The following TANC1 variants were observed in gnomAD, a reference collection of about 807,000 sequenced individuals.
TANC1 encodes protein TANC1.
TANC1 carries 77 observed loss-of-function variants against 149.7 expected under a neutral mutation model. The observed-to-expected ratio is 0.51, with a 90% CI of 0.43 to 0.62. The LOEUF (loss-of-function observed/expected upper bound fraction) is 0.62. Ranked by LOEUF, TANC1 falls within the 20% of genes least tolerant of loss-of-function variation. TANC1 has a pLI of 0.00. For missense variants in TANC1, 1,985 were observed against 2,321.8 expected, an observed-to-expected ratio of 0.85 and a Z score of 2.98; for synonymous variants, 854 against 925.0, an observed-to-expected ratio of 0.92 and a Z score of 1.39.
Position 159,097,780 on chromosome 2 carries a change from T to A in TANC1, c.205T>A (p.Leu69Met), listed in dbSNP as rs749248310. 6.2e-7 allele frequency: 1 copy of A among 1,614,042 alleles called. No individual in the cohort carries two copies. The highest frequency in any genetic ancestry group is 1.1e-5 in the South Asian group (1 of 91,064). ...GVSMSLPSSPLLPRQSHLVQS... is the reference protein window; with the variant it reads ...GVSMSLPSSPMLPRQSHLVQS... ...CTCGATGTCTCTGCCTTCCTCACCT[T>A]TGCTGCCTCGACAGTCTCACTTGGT... The change falls in exon 4 of 27, where the codon TTG (leucine) becomes ATG (methionine). Residue 69 changes from leucine (L) to methionine (M), a missense_variant. Leu to Met is a conservative substitution (Grantham distance 15, BLOSUM62 2). Coordinates refer to ENST00000263635, the MANE Select transcript of TANC1 (RefSeq NM_033394.3).
chr2:159,133,578 C>A (rs528399614), intron 4 of TANC1, among the ~76,000 whole-genome samples: 1 of 151,958 alleles, frequency 6.6e-6, no homozygotes, highest in South Asian at 2.1e-4. Flanking sequence ...ATGTCTCTTA[C>A]ACAGCAAATA....
At chr2:159,004,210 G>A (rs1027301000) in intron 2 of TANC1, 11 of 1,612,398 alleles carry the variant, frequency 6.8e-6, no homozygotes, top group South Asian at 4.4e-5. Flanking sequence ...CAGTTCCCAC[G>A]GCAAGTCTTG....
chr2:159,053,646 G>C (rs562104740), intron 2 of TANC1, among the ~76,000 whole-genome samples: 3 of 152,202 alleles, frequency 2.0e-5, no homozygotes, highest in Admixed American at 2.0e-4. Context: ...TCCTGTCACC[G>C]TGTAACAAGC....
At chr2:159,132,003 G>T (rs1236772135) in intron 4 of TANC1, among the ~76,000 whole-genome samples, 2 of 152,208 alleles carry the variant, frequency 1.3e-5, no homozygotes, top group Non-Finnish European at 2.9e-5. Flanking sequence ...CCCAGTGCCT[G>T]GGCTTTTTCT....
At chr2:159,215,216 G>A (rs7570321) in intron 19 of TANC1, among the ~76,000 whole-genome samples, 4,007 of 152,244 alleles carry the variant, frequency 0.026, 163 homozygotes, top group African/African-American at 0.086. Context: ...CTCACTTTCC[G>A]GTGACGAGGC....
chr2:159,037,442 C>T (rs968897137), intron 2 of TANC1, among the ~76,000 whole-genome samples: 8 of 152,106 alleles, frequency 5.3e-5, no homozygotes, highest in Non-Finnish European at 5.9e-5. Context: ...TGCCTATGTC[C>T]GGAATGGTAT....
chr2:159,017,849 A>ATG (rs968062151), intron 2 of TANC1, among the ~76,000 whole-genome samples: 3 of 152,170 alleles, frequency 2.0e-5, no homozygotes, highest in African/African-American at 7.2e-5. Flanking sequence ...TATTCTGCAC[A>ATG]TGTATCCCAG....
intron 1 of TANC1, among the ~76,000 whole-genome samples, chr2:158,988,997 G>C (rs1159893388): frequency 6.6e-6 from 1 of 152,130 alleles, no homozygotes; most frequent in East Asian, 1.9e-4. Context: ...GTTTTAATGA[G>C]TGATATGGGG....
intron 1 of TANC1, among the ~76,000 whole-genome samples, chr2:158,982,038 T>TC (rs933202788): frequency 7.3e-5 from 11 of 150,936 alleles, no homozygotes; most frequent in Non-Finnish European, 1.2e-4. Context: ...CATTTTTTTT[T>TC]CCCTTGATAT....
At chr2:159,006,295 C>CAAAAA (rs71406138) in intron 2 of TANC1, among the ~76,000 whole-genome samples, 6 of 75,086 alleles carry the variant, frequency 8.0e-5, no homozygotes, top group Admixed American at 1.5e-4. Context: ...GACTTAGTCT[C>CAAAAA]AAAAAAAAAA....
At chr2:159,181,808 T>C (rs1332973838) in intron 14 of TANC1, among the ~76,000 whole-genome samples, 2 of 152,366 alleles carry the variant, frequency 1.3e-5, no homozygotes, top group East Asian at 3.8e-4. Flanking sequence ...AAATCAGATC[T>C]TAAGACGATG....
Position 159,150,436 on chromosome 2 carries a change from A to G in TANC1, c.562A>G (p.Thr188Ala). The G allele has an allele frequency of 6.2e-7, 1 of 1,614,174 alleles. No individual in the cohort carries two copies. The highest frequency in any genetic ancestry group is 8.5e-7 in the Non-Finnish European group (1 of 1,180,034). The change falls in exon 7 of 27, where the codon ACC becomes GCC. Residue 188 changes from threonine to alanine, a missense_variant. By Grantham distance (58) the Thr-to-Ala change is moderately conservative (BLOSUM62 0). Around this residue, in one of 3 missense-constraint regions of TANC1, gnomAD observed 557 missense variants for 612.9 expected, o/e 0.91. Transcript: ENST00000263635. ...TLTSSTASPS[T>A]DSPCSTLNSC... ...AACAAGCAGCACCGCATCTCCTAGC[A>G]CCGATAGCCCCTGCTCAACCTTGAA...
chr2:159,179,202 C>T, intron 14 of TANC1, 39 bp downstream of exon 14: 1 of 1,573,234 alleles, frequency 6.4e-7, no homozygotes, highest in Non-Finnish European at 8.6e-7. Context: ...TGCAGGGAAT[C>T]TCGTGTGCAG....
In TANC1 at chr2:159,179,158, G is replaced by C. The variant is rs756827410; in HGVS notation, c.2505G>C (p.Glu835Asp). The C allele has an allele frequency of 1.9e-6, 3 of 1,608,096 alleles. No individual in the cohort carries two copies. Reference protein sequence around the residue: ...ADGENTAFLCEPRNGHALLAF... With the variant: ...ADGENTAFLCDPRNGHALLAF... ...GGGAAAACACGGCCTTCCTGTGTGAGCCCAGGTACGGCAGGCGCTTTCTTT... is the reference window on the plus strand; with the variant it reads ...GGGAAAACACGGCCTTCCTGTGTGACCCCAGGTACGGCAGGCGCTTTCTTT... Residue 835 changes from glutamate to aspartate, a missense_variant, in exon 14 of 27, where the codon GAG becomes GAC. By Grantham distance (45) the Glu-to-Asp change is conservative. Transcript: ENST00000263635.
At chr2:159,087,395 G>T (rs1437590132) in intron 3 of TANC1, among the ~76,000 whole-genome samples, 1 of 150,090 alleles carries the variant, frequency 6.7e-6, no homozygotes, top group Non-Finnish European at 1.5e-5. Context: ...ATAGCCTGGT[G>T]CAGTTTTAGA....
chr2:159,210,974 C>T (rs1218499064), intron 19 of TANC1, among the ~76,000 whole-genome samples: 1 of 151,962 alleles, frequency 6.6e-6, no homozygotes, highest in South Asian at 2.1e-4. Flanking sequence ...CAGGTTCAAG[C>T]GATTCTCTTG....
rs897755089 is a variant in TANC1 at position 159,232,267 on chromosome 2, T to C, written c.*1255T>C. ...ATTTTTATATGAAAATGGTGTGTTATTGGAAGATGTTAAAATGCTAATTTG... is the reference window on the plus strand; with the variant it reads ...ATTTTTATATGAAAATGGTGTGTTACTGGAAGATGTTAAAATGCTAATTTG... On this transcript the variant is annotated 3_prime_UTR_variant, in exon 27 of 27. Coordinates refer to ENST00000263635, the MANE Select transcript of TANC1 (RefSeq NM_033394.3). The C allele has an allele frequency of 3.3e-5, 5 of 152,644 alleles. No homozygotes were observed. The highest frequency in any genetic ancestry group is 1.9e-4 in the East Asian group (1 of 5,202). 9.5% of individuals were successfully genotyped at this position (152,644 alleles called of 1,614,324 possible). A position where few individuals can be genotyped will look rare whatever the true frequency, so the allele number is the denominator to read the frequency against.
chr2:159,111,044 T>A (rs1002626319), intron 4 of TANC1, among the ~76,000 whole-genome samples: 20 of 152,258 alleles, frequency 1.3e-4, no homozygotes, highest in Admixed American at 7.9e-4. Flanking sequence ...TAAAATGTTA[T>A]GTATGTAGAA....
chr2:158,974,126 CCATACAA>C (rs1470582566), intron 1 of TANC1, among the ~76,000 whole-genome samples: 1 of 152,156 alleles, frequency 6.6e-6, no homozygotes, highest in African/African-American at 2.4e-5. Context: ...GGGATGGTCA[CCATACAA>C]CAGCATTCTG....
Sources: gnomAD v4.1 joint callset for allele counts (sites outside exome capture counted in the v4.1 genomes callset) on GRCh38, gnomAD v4.1.1 for gene constraint, gnomAD v4.1.1 regional missense constraint, MANE v1.5 for transcripts, NCBI Gene and HGNC (gene_info 2026-07-23, HGNC 2026-07-21) for gene names.